Variants in DNAH3 observed in about 807,000 individuals in gnomAD.
The protein encoded by DNAH3 is axonemal beta dynein heavy chain 3.
DNAH3 carries 332 observed loss-of-function variants against 432.5 expected under a neutral mutation model. That is an observed-to-expected ratio of 0.77 (90% CI 0.70 to 0.84). The LOEUF (loss-of-function observed/expected upper bound fraction) is 0.84, where lower values mean the gene tolerates loss of function less well. Among genes scored for constraint, DNAH3 ranks in the 40% least tolerant of loss-of-function variants. DNAH3 has a pLI of 0.00. For missense variants in DNAH3, 4,861 were observed against 5,114.0 expected (o/e 0.95, Z 1.51); for synonymous variants, 1,956 against 1,900.2 (o/e 1.03, Z -0.76).
chr16:21,049,571 C>G (rs539798967), exon 31 of DNAH3: 34 of 1,613,786 alleles, frequency 2.1e-5, no homozygotes, highest in Non-Finnish European at 2.9e-5. Context: ...AGAGTTACCT[C>G]GATCCTGTTG....
At chr16:20,963,645 T>A in exon 53 of DNAH3, 1 of 1,613,952 alleles carries the variant, frequency 6.2e-7, no homozygotes, top group Non-Finnish European at 8.5e-7. Context: ...CAGACAGCCA[T>A]TGGGGAGCTG....
In DNAH3 at chr16:21,110,523, G is replaced by C. The variant is rs575550009; in HGVS notation, c.2099+1103C>G. 2.6e-5 allele frequency among the ~76,000 whole-genome samples: 4 copies of C among 152,306 alleles called. No homozygotes were observed. In the South Asian group the frequency reaches 8.3e-4, roughly 32 times the overall value. On this transcript the variant is annotated intron_variant, in intron 14 of 61. Coordinates refer to ENST00000261383, the Ensembl canonical transcript of DNAH3. ...AACGTGGAGGAAAGCCAAGCAGAGA[G>C]AGAGGAATTGCATCCTAATTGCAGC...
chr16:21,125,340 G>A (rs555785573), exon 9 of DNAH3: 1 of 1,609,498 alleles, frequency 6.2e-7, no homozygotes, highest in South Asian at 1.1e-5. Context: ...CCTTCCGTGA[G>A]GTAAAAAGCT....
exon 48 of DNAH3, chr16:20,985,132 T>C (rs746216961): frequency 6.2e-7 from 1 of 1,614,194 alleles, no homozygotes; most frequent in South Asian, 1.1e-5. Context: ...CTTCTCTCCT[T>C]GGGTCCTGGC....
chr16:21,051,461 T>C (rs1383324084), intron 29 of DNAH3, among the ~76,000 whole-genome samples: 1 of 152,234 alleles, frequency 6.6e-6, no homozygotes, highest in African/African-American at 2.4e-5. Flanking sequence ...TTGGTTCAAA[T>C]ACATTGATTT....
chr16:20,996,617 C>G (rs1341930054), intron 44 of DNAH3, among the ~76,000 whole-genome samples: 1 of 152,110 alleles, frequency 6.6e-6, no homozygotes, highest in Non-Finnish European at 1.5e-5. Flanking sequence ...AGCCACCAAG[C>G]CCAGCTAATT....
At chr16:21,107,108 G>C (rs976486543) in intron 14 of DNAH3, among the ~76,000 whole-genome samples, 2 of 151,928 alleles carry the variant, frequency 1.3e-5, no homozygotes, top group Non-Finnish European at 1.5e-5. Flanking sequence ...TGACTCCAAA[G>C]CTCATACTCT....
intron 4 of DNAH3, 148 bp from the exon 6 acceptor site, chr16:21,140,858 C>T (rs890677213): frequency 7.6e-6 from 5 of 656,590 alleles, no homozygotes; most frequent in Non-Finnish European, 1.3e-5. Flanking sequence ...TGTATACTTC[C>T]AAGATGACCC....
chr16:20,963,507 TTG>T lies in DNAH3; in HGVS notation c.10375_10376del (p.Gln3459ThrfsTer23), dbSNP rs779101186. On this transcript the variant is annotated frameshift_variant, in exon 53 of 62. Coordinates refer to ENST00000261383, the Ensembl canonical transcript of DNAH3. LOFTEE classifies it high-confidence loss of function. ...GAGAGAACTTCCAAGACCCAGGGAG[TTG>T]CTCCTCATGGGGCCAGGCCGAGTCA... is the stretch of plus-strand genomic sequence containing the variant. The T allele has an allele frequency of 3.0e-5, 48 of 1,613,548 alleles. No individual in the cohort carries two copies. Among genetic ancestry groups the T allele is most frequent in the Non-Finnish European group, 4.1e-5 (48 of 1,179,932 alleles).
chr16:21,010,446 A>G (rs1286573974), intron 41 of DNAH3, among the ~76,000 whole-genome samples: 1 of 152,200 alleles, frequency 6.6e-6, no homozygotes, highest in Non-Finnish European at 1.5e-5. Flanking sequence ...GTGAATGAAG[A>G]GAAATTAAGC....
chr16:21,075,762 A>C (rs1172631136), intron 20 of DNAH3, among the ~76,000 whole-genome samples: 2 of 151,538 alleles, frequency 1.3e-5, no homozygotes, highest in Non-Finnish European at 2.9e-5. Flanking sequence ...AAAACACAAA[A>C]ATTAGCCAGG....
intron 39 of DNAH3, among the ~76,000 whole-genome samples, chr16:21,023,786 G>GTGTGTGTGTTT (rs1567654144): frequency 6.8e-6 from 1 of 146,384 alleles, no homozygotes; most frequent in African/African-American, 2.5e-5. Context: ...CAGCTTTTGG[G>GTGTGTGTGTTT]GTGTGTGTGT....
At chr16:21,060,515 T>TTTTTC (rs1394137410) in intron 25 of DNAH3, among the ~76,000 whole-genome samples, 159 bp from the exon 26 acceptor site, 1 of 108,602 alleles carries the variant, frequency 9.2e-6, no homozygotes, top group African/African-American at 3.4e-5. Flanking sequence ...TCTTTTTTTC[T>TTTTTC]TTTTTTTTTT....
Position 21,027,131 on chromosome 16 carries a change from A to G in DNAH3, c.5440-4T>C. 1.2e-6 allele frequency: 2 copies of G among 1,609,704 alleles called. No homozygotes were observed. Among genetic ancestry groups the G allele is most frequent in the Non-Finnish European group, 1.7e-6 (2 of 1,176,144 alleles). Reference sequence around the variant, plus strand: ...TTTCCCCACTCATGAGACACAGCTAAAAGTGCAAAGCAGAGGGTAGCAGAC... The same window carrying G: ...TTTCCCCACTCATGAGACACAGCTAGAAGTGCAAAGCAGAGGGTAGCAGAC... On this transcript the variant is annotated splice_polypyrimidine_tract_variant and splice_region_variant and intron_variant, in intron 37 of 61. Transcript: ENST00000261383.
chr16:21,028,238 C>G (rs921358149), intron 37 of DNAH3, among the ~76,000 whole-genome samples: 1 of 152,036 alleles, frequency 6.6e-6, no homozygotes, highest in Non-Finnish European at 1.5e-5. Context: ...GAGACAGGAT[C>G]TCACTGTGTT....
chr16:21,127,757 G>A (rs755670943), exon 8 of DNAH3: 10 of 1,614,062 alleles, frequency 6.2e-6, no homozygotes, highest in Middle Eastern at 1.6e-4. Flanking sequence ...TGAGGCTGCA[G>A]AGGCAATTTT....
chr16:21,006,014 G>A (rs2087285815), intron 41 of DNAH3, among the ~76,000 whole-genome samples: 1 of 152,030 alleles, frequency 6.6e-6, no homozygotes, highest in South Asian at 2.1e-4. Context: ...TTCATTTTAA[G>A]AGAAGTTTCT....
At chr16:21,011,019 CTGCTGGG>C (rs2087575588) in intron 41 of DNAH3, among the ~76,000 whole-genome samples, 2 of 151,176 alleles carry the variant, frequency 1.3e-5, no homozygotes, top group African/African-American at 4.9e-5. Flanking sequence ...TATGCTGCAT[CTGCTGGG>C]TAGGGCATGG....
At position 20,964,360 on chromosome 16, in the gene DNAH3, C is replaced by T. The variant is rs199787492; in HGVS notation, c.9524G>A (p.Arg3175His). The stretch of plus-strand genomic sequence containing the variant: ...TGGGAGGTAATGTGGATTCCTCAAA[C>T]GGGTTGTGATGTATAACTTAAAATC... Residue 3175 changes from arginine (R) to histidine (H), a missense_variant, in exon 53 of 62, where the codon CGT (arginine) becomes CAT (histidine). Arg to His is a conservative substitution (Grantham distance 29). Transcript: ENST00000261383. 2,503 of 1,614,114 alleles carry T rather than the reference C, an allele frequency of 1.6e-3. 51 individuals are homozygous for T. The South Asian group carries it at 0.025, about 16-fold the overall frequency.
Sources: allele counts gnomAD v4.1 joint callset (sites outside exome capture counted in the v4.1 genomes callset), GRCh38; gene constraint gnomAD v4.1.1; transcripts MANE v1.5; gene names NCBI Gene and HGNC (gene_info 2026-07-23, HGNC 2026-07-21).